The following DENND1A variants were observed in gnomAD, a reference collection of about 807,000 sequenced individuals.
DENND1A encodes the protein DENN domain containing 1A.
A neutral mutation model predicts 113.7 loss-of-function variants in DENND1A; 51 were observed. The ratio of observed to expected loss-of-function variants is 0.45; its 90% confidence interval spans 0.36 to 0.57. DENND1A has a LOEUF of 0.57. Among genes scored for constraint, DENND1A ranks in the 20% least tolerant of loss-of-function variants. The pLI, the probability that DENND1A is intolerant of heterozygous loss-of-function variation, is 0.00. For synonymous variants in DENND1A, 565 were observed against 570.8 expected (o/e 0.99, Z 0.14); for missense variants, 1,258 against 1,395.9 (o/e 0.90, Z 1.57).
chr9:123,518,868 T>C (rs1413342958), intron 13 of DENND1A, among the ~76,000 whole-genome samples: 1 of 152,174 alleles, frequency 6.6e-6, no homozygotes, highest in Non-Finnish European at 1.5e-5. Flanking sequence ...AAATTAACTG[T>C]GTCACACCCA....
At chr9:123,642,918 C>T (rs528504206) in intron 9 of DENND1A, among the ~76,000 whole-genome samples, 121 of 152,156 alleles carry the variant, frequency 8.0e-4, no homozygotes, top group Admixed American at 1.5e-3. Context: ...GACAAGGTGG[C>T]GTTCGTCAGG....
intron 18 of DENND1A, among the ~76,000 whole-genome samples, chr9:123,447,893 C>T (rs76466768): frequency 6.6e-6 from 1 of 152,086 alleles, no homozygotes; most frequent in Non-Finnish European, 1.5e-5. Flanking sequence ...AGTGCTGGAG[C>T]CCCAAGTCCC....
In DENND1A at chr9:123,499,816, A is replaced by G. The variant is rs149963045; in HGVS notation, c.994-41919T>C. Reference sequence around the variant, plus strand: ...TGCTGGCTGAGCTGGCTGCTCCCACAGCTCTTCCGGCTCACAGCAAACGCT... The same window carrying G: ...TGCTGGCTGAGCTGGCTGCTCCCACGGCTCTTCCGGCTCACAGCAAACGCT... On this transcript the variant is annotated intron_variant, in intron 13 of 23. Coordinates refer to ENST00000394215, the MANE Select transcript of DENND1A (RefSeq NM_001352964.2). 7.5e-3 allele frequency among the ~76,000 whole-genome samples: 1,143 copies of G among 152,272 alleles called. 15 individuals carry two copies. The highest frequency in any genetic ancestry group is 0.026 in the African/African-American group (1,069 of 41,554).
At chr9:123,748,193 C>T (rs2069686745) in intron 5 of DENND1A, among the ~76,000 whole-genome samples, 1 of 152,118 alleles carries the variant, frequency 6.6e-6, no homozygotes, top group Admixed American at 6.6e-5. Context: ...AAGATGGTTA[C>T]AATTTAATAA....
At chr9:123,640,513 C>T (rs146189974) in intron 9 of DENND1A, among the ~76,000 whole-genome samples, 2 of 152,246 alleles carry the variant, frequency 1.3e-5, no homozygotes, top group African/African-American at 2.4e-5. Flanking sequence ...TGGGAGTTGC[C>T]GTGACTATTC....
intron 3 of DENND1A, among the ~76,000 whole-genome samples, chr9:123,774,903 G>C (rs1401296753): frequency 1.3e-5 from 2 of 151,992 alleles, no homozygotes; most frequent in African/African-American, 4.8e-5. Flanking sequence ...GAAGAAGAAG[G>C]CTTTCAACAG....
At chr9:123,427,136 G>C (rs1250919202) in intron 19 of DENND1A, among the ~76,000 whole-genome samples, 1 of 152,218 alleles carries the variant, frequency 6.6e-6, no homozygotes, top group Admixed American at 6.5e-5. Flanking sequence ...CAAACAAAAA[G>C]GGCACTTAGA....
chr9:123,490,546 G>A (rs1330864039), intron 13 of DENND1A, among the ~76,000 whole-genome samples: 5 of 151,984 alleles, frequency 3.3e-5, no homozygotes, highest in Non-Finnish European at 7.4e-5. Context: ...CCAAGATCAT[G>A]CCACTGCACT....
At chr9:123,627,027 G>A (rs976980508) in intron 10 of DENND1A, among the ~76,000 whole-genome samples, 2 of 152,188 alleles carry the variant, frequency 1.3e-5, no homozygotes, top group Non-Finnish European at 2.9e-5. Context: ...CAGACCCTAT[G>A]TCCCCCTCTT....
intron 11 of DENND1A, among the ~76,000 whole-genome samples, chr9:123,607,547 AGTGTGTGTGTGTGTGT>A (rs555605927): frequency 1.5e-5 from 1 of 68,002 alleles, no homozygotes; most frequent in Non-Finnish European, 3.3e-5. Context: ...AGAGAGAGAG[AGTGTGTGTGTGTGTGT>A]GTGTGTGTGT....
In DENND1A at chr9:123,382,578, G is replaced by T. The variant is rs777065780; in HGVS notation, c.2067C>A (p.Ala689=). ...GSERSRGVTV[A]LKLTHPYNKL... ...TGTTGTACGGGTGGGTAAGCTTCAAGGCCACTGTCACCCCGCGGCTCCTCT... is the reference window on the plus strand; with the variant it reads ...TGTTGTACGGGTGGGTAAGCTTCAATGCCACTGTCACCCCGCGGCTCCTCT... Residue 689 remains alanine (A), a synonymous_variant, in exon 24 of 24, where the codon GCC becomes GCA. Transcript: ENST00000394215. The T allele has an allele frequency of 1.2e-6, 2 of 1,614,144 alleles. No homozygotes were observed. Among genetic ancestry groups the T allele is most frequent in the Non-Finnish European group, 1.7e-6 (2 of 1,180,036 alleles).
chr9:123,897,989 A>G (rs2133850133), intron 1 of DENND1A, among the ~76,000 whole-genome samples: 1 of 151,532 alleles, frequency 6.6e-6, no homozygotes, highest in South Asian at 2.1e-4. Flanking sequence ...TCTTCTACAT[A>G]CATACATCCT....
At chr9:123,549,538 T>G (rs1447747429) in intron 13 of DENND1A, among the ~76,000 whole-genome samples, 1 of 152,168 alleles carries the variant, frequency 6.6e-6, no homozygotes, top group Non-Finnish European at 1.5e-5. Context: ...GTCAGGCTCC[T>G]GCTCACAGAC....
chr9:123,678,062 C>G (rs995680388), intron 5 of DENND1A, among the ~76,000 whole-genome samples: 2 of 152,186 alleles, frequency 1.3e-5, no homozygotes, highest in Admixed American at 1.3e-4. Flanking sequence ...CCTCCCCATC[C>G]CCACTTCATG....
chr9:123,799,767 G>A (rs1834336744), intron 2 of DENND1A, among the ~76,000 whole-genome samples: 1 of 152,074 alleles, frequency 6.6e-6, no homozygotes, highest in African/African-American at 2.4e-5. Flanking sequence ...AGAACAAAAT[G>A]AACTCATTAA....
At chr9:123,640,770 C>A (rs1283071694) in intron 9 of DENND1A, among the ~76,000 whole-genome samples, 2 of 152,196 alleles carry the variant, frequency 1.3e-5, no homozygotes, top group Non-Finnish European at 2.9e-5. Context: ...AATACTATCC[C>A]CATTTTCACA....
chr9:123,644,451 C>T (rs762469590), intron 9 of DENND1A, among the ~76,000 whole-genome samples: 1,894 of 149,888 alleles, frequency 0.013, 20 homozygotes, highest in South Asian at 0.03. Context: ...AAACCAACAG[C>T]ACCTAGCTCC....
chr9:123,822,128 A>G (rs1778901), intron 2 of DENND1A, among the ~76,000 whole-genome samples: 44,356 of 152,094 alleles, frequency 0.29, 10,295 homozygotes, highest in African/African-American at 0.65. Context: ...ATGTCCCCAT[A>G]TATAATCTGA....
chr9:123,690,777 G>C (rs2065141294), intron 5 of DENND1A, among the ~76,000 whole-genome samples: 1 of 152,242 alleles, frequency 6.6e-6, no homozygotes, highest in African/African-American at 2.4e-5. Context: ...GGATTGGTCA[G>C]AGAGAATAGA....
Sources: gnomAD v4.1 joint callset for allele counts (sites outside exome capture counted in the v4.1 genomes callset) on GRCh38, gnomAD v4.1.1 for gene constraint, MANE v1.5 for transcripts, NCBI Gene and HGNC (gene_info 2026-07-23, HGNC 2026-07-21) for gene names.